The following COBLL1 variants were observed in gnomAD, a reference collection of about 807,000 sequenced individuals.
COBLL1 encodes cordon-bleu protein-like 1.
COBLL1 carries 50 observed loss-of-function variants against 94.8 expected under a neutral mutation model. The ratio of observed to expected loss-of-function variants is 0.53; its 90% CI spans 0.42 to 0.67. The LOEUF is 0.67. COBLL1 is among the 30% of genes least tolerant of loss of function. The pLI, the probability that COBLL1 is intolerant of heterozygous loss-of-function variation, is 0.00. For missense variants in COBLL1, 1,362 were observed against 1,348.7 expected, an observed-to-expected ratio of 1.01 and a Z score of -0.15; for synonymous variants, 448 against 473.8, an observed-to-expected ratio of 0.95 and a Z score of 0.71.
In COBLL1 at chr2:164,694,835, A is replaced by T. The variant is rs1683828335; in HGVS notation, c.2557T>A (p.Phe853Ile). The change falls in exon 12 of 14, where the codon TTT becomes ATT. Residue 853 changes from phenylalanine (F) to isoleucine (I), a missense_variant. Physicochemically the swap from Phe to Ile is conservative, Grantham distance 21. Coordinates refer to ENST00000652658, the MANE Select transcript of COBLL1 (RefSeq NM_001365672.2). Reference sequence around the variant, plus strand: ...TGGGCATTTGAAGCCCGAGATTTAAATTTTGATTCCAAAATATTGTTTATT... The same window carrying T: ...TGGGCATTTGAAGCCCGAGATTTAATTTTTGATTCCAAAATATTGTTTATT... ...EEINNILESK[F>I]KSRASNAQAK... The T allele has an allele frequency of 6.2e-7, 1 of 1,613,928 alleles. No homozygotes were observed. Among genetic ancestry groups the T allele is most frequent in the African/African-American group, 1.3e-5 (1 of 75,026 alleles).
In COBLL1 at chr2:164,680,400, CA is replaced by C; in HGVS notation, c.*5545del. On this transcript the variant is annotated 3_prime_UTR_variant, in exon 14 of 14. Transcript: ENST00000652658. ...CTTGAAGGTATCCAAAACCCACCAA[CA>C]GAAATCATCCAAAAAGTTTCTTCAC... The C allele has an allele frequency of 6.6e-6, 1 of 152,194 alleles. No individual in the cohort carries two copies. The highest frequency in any genetic ancestry group is 6.5e-5 in the Admixed American group (1 of 15,274). 9.4% of individuals were successfully genotyped at this position (152,194 alleles called of 1,614,324 possible). A position where few individuals can be genotyped will look rare whatever the true frequency, so the allele number is the denominator to read the frequency against.
At chr2:164,738,979 T>C (rs540245338) in intron 3 of COBLL1, among the ~76,000 whole-genome samples, 1 of 152,294 alleles carries the variant, frequency 6.6e-6, no homozygotes, top group African/African-American at 2.4e-5. Flanking sequence ...TACTACACTG[T>C]ATCTTATATA....
chr2:164,671,907 G>C (rs2105387796), intron 1 of COBLL1, among the ~76,000 whole-genome samples: 1 of 152,202 alleles, frequency 6.6e-6, no homozygotes, highest in Non-Finnish European at 1.5e-5. Flanking sequence ...GTTTAGTGTG[G>C]TTGTGTGTGC....
chr2:164,772,769 A>G (rs995157143), intron 2 of COBLL1, among the ~76,000 whole-genome samples: 2 of 152,142 alleles, frequency 1.3e-5, no homozygotes, highest in East Asian at 3.8e-4. Context: ...ATCTAATATT[A>G]CATAATACCA....
At chr2:164,713,709 T>G (rs1685021971) in intron 7 of COBLL1, among the ~76,000 whole-genome samples, 1 of 152,178 alleles carries the variant, frequency 6.6e-6, no homozygotes, top group Admixed American at 6.5e-5. Context: ...TTTTTAGTAA[T>G]GCAATACCTA....
intron 5 of COBLL1, chr2:164,727,032 G>A (rs1685752394): frequency 4.0e-6 from 3 of 753,986 alleles, no homozygotes; most frequent in East Asian, 6.0e-5. Flanking sequence ...TTAAGAAAGG[G>A]TAAAATTAGA....
At chr2:164,841,909 C>A, upstream of COBLL1, 3 of 1,421,598 alleles carry the variant, frequency 2.1e-6, no homozygotes, top group Non-Finnish European at 2.9e-6. This position sits in a 1 kb window ranked among gnomAD's most constrained non-coding sequence, Gnocchi z 5.5. Flanking sequence ...GGGGTGCGGG[C>A]GCTGGCTGGG....
At chr2:164,837,097 A>G (rs1485958144) in intron 2 of COBLL1, among the ~76,000 whole-genome samples, 1 of 152,246 alleles carries the variant, frequency 6.6e-6, no homozygotes. Context: ...TATGCCTTCA[A>G]TTAACTCCAT....
At position 164,701,102 on chromosome 2, in the gene COBLL1, T is replaced by C. The variant is rs909656882; in HGVS notation, c.1226-346A>G. 2.6e-5 allele frequency among the ~76,000 whole-genome samples: 4 copies of C among 152,288 alleles called. No individual in the cohort carries two copies. The East Asian group carries it at 7.7e-4, about 29-fold the overall frequency. ...CATCCAGCAACTCAATAGTGCAAAT[T>C]AAAGGCAAATTAATAATTTTAAAAG... On this transcript the variant is annotated intron_variant, in intron 9 of 13. Transcript: ENST00000652658.
chr2:164,695,185 A>G lies in COBLL1; in HGVS notation c.2207T>C (p.Ile736Thr), dbSNP rs774749589. The change falls in exon 12 of 14, where the codon ATA becomes ACA. Residue 736 changes from isoleucine to threonine, a missense_variant. Transcript: ENST00000652658. ...TATTTCCAAGGATTTGGGAGGCACT[A>G]TTTTATAAGTAGTCATGCCAATTTT... Reference protein sequence around the residue: ...IPKIGMTTYKIVPPKSLEISK... With the variant: ...IPKIGMTTYKTVPPKSLEISK... 26 of 1,613,818 alleles carry G rather than the reference A, an allele frequency of 1.6e-5. No individual in the cohort carries two copies. Among genetic ancestry groups the G allele is most frequent in the Non-Finnish European group, 2.2e-5 (26 of 1,179,954 alleles).
intron 1 of COBLL1, among the ~76,000 whole-genome samples, chr2:164,673,162 G>T (rs1691274961): frequency 6.6e-6 from 1 of 152,098 alleles, no homozygotes; most frequent in African/African-American, 2.4e-5. Context: ...CTGAAATAGT[G>T]AAATTTGTCT....
chr2:164,768,706 G>C (rs1292417517), intron 2 of COBLL1, among the ~76,000 whole-genome samples: 1 of 152,048 alleles, frequency 6.6e-6, no homozygotes, highest in Non-Finnish European at 1.5e-5. Flanking sequence ...AAAATCTACT[G>C]TAAATCTTAT....
intron 2 of COBLL1, among the ~76,000 whole-genome samples, chr2:164,778,645 T>C (rs1162089995): frequency 6.6e-6 from 1 of 152,156 alleles, no homozygotes; most frequent in Non-Finnish European, 1.5e-5. Context: ...ATACTGAATT[T>C]AGGTTATCTA....
rs949091692 is a variant in COBLL1, at chr2:164,841,604, C to T, written c.-51+106G>A. On this transcript the variant is annotated intron_variant, in intron 1 of 13. Coordinates refer to ENST00000652658, the MANE Select transcript of COBLL1 (RefSeq NM_001365672.2). The surrounding 1 kb of genome is among the most constrained non-coding windows in gnomAD (Gnocchi z 5.5). Reference sequence around the variant, plus strand: ...ACCGCTGCCACGCCGGCAGCGCACTCCCAGGCTCCTCCGGCCGAGTTTGCA... The same window carrying T: ...ACCGCTGCCACGCCGGCAGCGCACTTCCAGGCTCCTCCGGCCGAGTTTGCA... 4.6e-5 allele frequency: 18 copies of T among 388,986 alleles called. No individual in the cohort carries two copies. Among genetic ancestry groups the T allele is most frequent in the Admixed American group, 2.6e-4 (5 of 19,296 alleles). 24.1% of individuals were successfully genotyped at this position (388,986 alleles called of 1,614,324 possible).
chr2:164,826,188 C>T (rs1437137150), intron 2 of COBLL1, among the ~76,000 whole-genome samples: 1 of 152,180 alleles, frequency 6.6e-6, no homozygotes, highest in East Asian at 1.9e-4. Context: ...TTACAATCAC[C>T]TTGGTAGCAT....
At chr2:164,769,559 C>A (rs1025164718) in intron 2 of COBLL1, among the ~76,000 whole-genome samples, 3 of 152,082 alleles carry the variant, frequency 2.0e-5, no homozygotes, top group Non-Finnish European at 2.9e-5. Context: ...TTAAAATGAG[C>A]TCATTTAGGA....
chr2:164,666,255 T>G (rs1233532023), intron 1 of COBLL1, among the ~76,000 whole-genome samples: 1 of 152,144 alleles, frequency 6.6e-6, no homozygotes. Flanking sequence ...ACACAAATTT[T>G]TTGGTTGCCC....
At chr2:164,689,972 A>G (rs1310614225) in intron 13 of COBLL1, among the ~76,000 whole-genome samples, 1 of 152,146 alleles carries the variant, frequency 6.6e-6, no homozygotes, top group Admixed American at 6.6e-5. Context: ...AACTTTATGC[A>G]TATATATCTG....
chr2:164,703,813 A>C (rs1423238835), intron 9 of COBLL1: 1 of 218,100 alleles, frequency 4.6e-6, no homozygotes, highest in Non-Finnish European at 1.0e-5. Flanking sequence ...ACATTCATTG[A>C]TGTCTAATAG....
Sources: allele counts gnomAD v4.1 joint callset (sites outside exome capture counted in the v4.1 genomes callset), GRCh38; gene constraint gnomAD v4.1.1; non-coding constraint Gnocchi (gnomAD v3.1); transcripts MANE v1.5; gene names NCBI Gene and HGNC (gene_info 2026-07-23, HGNC 2026-07-21).